Variants in FRA10AC1 observed in about 807,000 individuals in gnomAD.
FRA10AC1 encodes the protein FRA10A associated CGG repeat 1, also known as protein FRA10AC1.
In FRA10AC1, 43 loss-of-function variants were observed where a neutral mutation model predicts 56.5. That is an observed-to-expected ratio of 0.76 (90% CI 0.60 to 0.98). The LOEUF (loss-of-function observed/expected upper bound fraction) is 0.98. Ranked by LOEUF, FRA10AC1 falls within the 50% of genes least tolerant of loss-of-function variation. The probability of loss-of-function intolerance (pLI) is 0.00; values close to 1 mark genes in which losing one functional copy is unlikely to be tolerated. For missense variants in FRA10AC1, 346 were observed against 351.8 expected (o/e 0.98, Z 0.13); for synonymous variants, 112 against 110.5 (o/e 1.01, Z -0.09).
intron 10 of FRA10AC1, 136 bp from the exon 11 acceptor site, chr10:93,681,734 A>T (rs1348484909): frequency 1.7e-5 from 12 of 721,486 alleles, no homozygotes; most frequent in Admixed American, 4.1e-5. Flanking sequence ...AAGGAACGTT[A>T]AGTGAGACTG....
chr10:93,681,568 T>G lies in FRA10AC1; in HGVS notation c.699A>C (p.Lys233Asn). The G allele has an allele frequency of 1.9e-6, 3 of 1,551,610 alleles. No individual in the cohort carries two copies. The highest frequency in any genetic ancestry group is 2.6e-6 in the Non-Finnish European group (3 of 1,152,094). The change falls in exon 11 of 14, where the codon AAA becomes AAC. Residue 233 changes from lysine (K) to asparagine (N), a missense_variant. By Grantham distance (94) the Lys-to-Asn change is moderately conservative. Transcript: ENST00000359204. Reference protein sequence around the residue: ...RRKEIKSKKRKDKTKKDCEES... With the variant: ...RRKEIKSKKRNDKTKKDCEES... Reference sequence around the variant, plus strand: ...CTTCACAGTCTTTTTTGGTTTTATCTTTTCTTTTTTTTGACTTGATTTCTT... The same window carrying G: ...CTTCACAGTCTTTTTTGGTTTTATCGTTTCTTTTTTTTGACTTGATTTCTT...
rs192247582 is a variant in FRA10AC1, at chr10:93,691,827, T to C, written c.465+182A>G. ...CATCCTTGTCCTTCATAAATTTCCA[T>C]AGGCCTTTTGTAAACTCCACAGCTG... is the stretch of plus-strand genomic sequence containing the variant. On this transcript the variant is annotated intron_variant, in intron 7 of 13. Coordinates refer to ENST00000359204, the MANE Select transcript of FRA10AC1 (RefSeq NM_145246.5). 118 of 522,850 alleles carry C rather than the reference T, an allele frequency of 2.3e-4. No individual in the cohort carries two copies. In the East Asian group the frequency reaches 4.1e-3, roughly 18 times the overall value. The allele number at this position is 522,850 out of a possible 1,614,324, so 32.4% of individuals were successfully genotyped here.
intron 12 of FRA10AC1, chr10:93,673,353 T>A (rs1297991446): frequency 2.2e-6 from 1 of 456,610 alleles, no homozygotes; most frequent in Admixed American, 2.4e-5. Flanking sequence ...CAGGTAAACA[T>A]CTGCAGTTCC....
intron 2 of FRA10AC1, among the ~76,000 whole-genome samples, chr10:93,699,008 T>C (rs889617694): frequency 2.6e-5 from 4 of 152,220 alleles, no homozygotes; most frequent in East Asian, 3.8e-4. Flanking sequence ...AGATTCACAA[T>C]TGTGTGTGCT....
intron 1 of FRA10AC1, among the ~76,000 whole-genome samples, chr10:93,701,149 T>G (rs1229405834): frequency 1.3e-5 from 2 of 152,208 alleles, no homozygotes; most frequent in East Asian, 3.8e-4. Context: ...CTGGAAGACC[T>G]CAGTTGCCAC....
At chr10:93,702,761 G>C (rs1445940280), upstream of FRA10AC1, among the ~76,000 whole-genome samples, 1 of 151,918 alleles carries the variant, frequency 6.6e-6, no homozygotes, top group East Asian at 1.9e-4. Context: ...GTTTTTCCCT[G>C]GGCCTCCTTC....
intron 11 of FRA10AC1, among the ~76,000 whole-genome samples, chr10:93,678,670 A>G (rs1316171109): frequency 6.6e-6 from 1 of 152,024 alleles, no homozygotes; most frequent in African/African-American, 2.4e-5. Context: ...CTCTGCAACA[A>G]CAACAACAAC....
At chr10:93,697,766 G>T (rs2059257438) in intron 4 of FRA10AC1, among the ~76,000 whole-genome samples, 1 of 152,098 alleles carries the variant, frequency 6.6e-6, no homozygotes, top group Admixed American at 6.5e-5. Context: ...AAGTTTTATA[G>T]AGACCTTAAA....
intron 12 of FRA10AC1, among the ~76,000 whole-genome samples, chr10:93,676,085 C>T (rs919713497): frequency 1.3e-5 from 2 of 152,186 alleles, no homozygotes; most frequent in Non-Finnish European, 2.9e-5. Context: ...TGATCTATCT[C>T]TGCAATTATG....
At chr10:93,689,048 G>C (rs576271852) in intron 7 of FRA10AC1, among the ~76,000 whole-genome samples, 6 of 130,804 alleles carry the variant, frequency 4.6e-5, no homozygotes, top group Admixed American at 1.8e-4. Flanking sequence ...GCTAACTTCA[G>C]TTTGTTGTGG....
At chr10:93,694,809 TA>T in intron 5 of FRA10AC1, 51 bp downstream of exon 5, 1 of 1,017,672 alleles carries the variant, frequency 9.8e-7, no homozygotes, top group Non-Finnish European at 1.5e-6. Context: ...TGTGGGTCTT[TA>T]AAGTTTCCCA....
intron 1 of FRA10AC1, among the ~76,000 whole-genome samples, chr10:93,701,199 C>A (rs1327012419): frequency 6.6e-6 from 1 of 152,088 alleles, no homozygotes; most frequent in African/African-American, 2.4e-5. Flanking sequence ...CAGCTTTGCA[C>A]TGAATTTGGA....
intron 4 of FRA10AC1, 86 bp from the exon 5 acceptor site, chr10:93,695,023 C>T (rs2059208580): frequency 1.4e-6 from 1 of 719,216 alleles, no homozygotes; most frequent in Admixed American, 2.2e-5. Flanking sequence ...AAAAAAAGCA[C>T]AATATGAGTC....
At chr10:93,691,827 T>G in intron 7 of FRA10AC1, 182 bp downstream of exon 7, 1 of 522,852 alleles carries the variant, frequency 1.9e-6, no homozygotes, top group Non-Finnish European at 3.1e-6. Context: ...TAAATTTCCA[T>G]AGGCCTTTTG....
intron 12 of FRA10AC1, chr10:93,675,405 A>AG (rs1226921593): frequency 6.6e-6 from 1 of 152,172 alleles, no homozygotes; most frequent in African/African-American, 2.4e-5. Context: ...CTTAATTCTT[A>AG]GGTTTATAAA....
At chr10:93,678,337 A>G (rs1218932092) in intron 11 of FRA10AC1, among the ~76,000 whole-genome samples, 1 of 121,764 alleles carries the variant, frequency 8.2e-6, no homozygotes, top group Non-Finnish European at 1.6e-5. Context: ...GATCTTTCTT[A>G]TTTTTTCTCT....
intron 12 of FRA10AC1, 27 bp from the exon 13 acceptor site, chr10:93,670,875 A>G: frequency 1.3e-6 from 2 of 1,484,556 alleles, no homozygotes; most frequent in East Asian, 2.3e-5. Context: ...GATGATTTTT[A>G]AAAACCTATT....
At chr10:93,670,710 G>A (rs918591365) in intron 13 of FRA10AC1, 60 bp downstream of exon 13, 1 of 1,068,976 alleles carries the variant, frequency 9.4e-7, no homozygotes, top group Non-Finnish European at 1.4e-6. Context: ...ATAAAGCTGT[G>A]GTTATAGCTT....
intron 12 of FRA10AC1, chr10:93,671,956 GAT>G (rs1194924208): frequency 1.5e-5 from 6 of 403,914 alleles, no homozygotes; most frequent in African/African-American, 6.4e-5. Flanking sequence ...TGACAAAATA[GAT>G]ATGTTTCAAA....
Sources: gnomAD v4.1 joint callset for allele counts (sites outside exome capture counted in the v4.1 genomes callset) on GRCh38, gnomAD v4.1.1 for gene constraint, MANE v1.5 for transcripts, NCBI Gene and HGNC (gene_info 2026-07-23, HGNC 2026-07-21) for gene names.